GALNTL6: variants seen among roughly 807,000 people sequenced by gnomAD.
GALNTL6 encodes the protein polypeptide N-acetylgalactosaminyltransferase like 6, also known as polypeptide N-acetylgalactosaminyltransferase-like 6.
A neutral mutation model predicts 73.7 loss-of-function variants in GALNTL6; 46 were observed. That is an observed-to-expected ratio of 0.62 (90% CI 0.49 to 0.80). The LOEUF (loss-of-function observed/expected upper bound fraction) is 0.80, where lower values mean the gene tolerates loss of function less well. GALNTL6 is among the 30% of genes least tolerant of loss of function. GALNTL6 has a pLI of 0.00. For synonymous variants in GALNTL6, 259 were observed against 263.7 expected (o/e 0.98, Z 0.17); for missense variants, 604 against 755.0 (o/e 0.80, Z 2.34).
At chr4:171,942,783 G>T (rs751802215) in intron 2 of GALNTL6, among the ~76,000 whole-genome samples, 2 of 152,168 alleles carry the variant, frequency 1.3e-5, no homozygotes, top group African/African-American at 2.4e-5. Context: ...GCTCAATTAC[G>T]AATGGGTCAG....
chr4:173,030,001 C>T (rs1421277543), intron 12 of GALNTL6, among the ~76,000 whole-genome samples: 7 of 152,118 alleles, frequency 4.6e-5, no homozygotes, highest in Admixed American at 2.0e-4. Flanking sequence ...GGAAGTTACT[C>T]AACCAGATAA....
chr4:172,947,582 AT>A (rs10708506), intron 9 of GALNTL6, among the ~76,000 whole-genome samples: 111,635 of 147,202 alleles, frequency 0.76, 42,844 homozygotes, highest in Middle Eastern at 0.87. Flanking sequence ...CCCTTGATAA[AT>A]TTTTTTTTTT....
intron 9 of GALNTL6, among the ~76,000 whole-genome samples, chr4:172,949,773 G>A (rs964245826): frequency 6.6e-6 from 1 of 151,958 alleles, no homozygotes; most frequent in African/African-American, 2.4e-5. Context: ...GCCAGGCATG[G>A]TAGCACGTGC....
chr4:172,949,734 C>T (rs989592106), intron 9 of GALNTL6, among the ~76,000 whole-genome samples: 2 of 151,400 alleles, frequency 1.3e-5, no homozygotes, highest in African/African-American at 4.8e-5. Flanking sequence ...ACAGTGAAAC[C>T]CCATCTCTAC....
chr4:171,888,326 A>G (rs1259042147), intron 2 of GALNTL6, among the ~76,000 whole-genome samples: 4 of 150,768 alleles, frequency 2.7e-5, no homozygotes, highest in Admixed American at 2.0e-4. Flanking sequence ...AAGTTCAGCA[A>G]CAGTGATAGC....
chr4:172,467,843 TTTC>T (rs1396051575), intron 5 of GALNTL6, among the ~76,000 whole-genome samples: 3 of 150,044 alleles, frequency 2.0e-5, no homozygotes, highest in Non-Finnish European at 3.0e-5. Flanking sequence ...TCTTTCTTTC[TTTC>T]TTTCTTTCTT....
At chr4:172,880,941 A>G (rs1745421674) in intron 7 of GALNTL6, among the ~76,000 whole-genome samples, 1 of 152,126 alleles carries the variant, frequency 6.6e-6, no homozygotes, top group Admixed American at 6.5e-5. Flanking sequence ...CTCAATTTAG[A>G]ATTTTTCTTG....
At chr4:172,767,665 T>TC (rs1738512535) in intron 5 of GALNTL6, among the ~76,000 whole-genome samples, 1 of 103,676 alleles carries the variant, frequency 9.6e-6, no homozygotes, top group African/African-American at 3.4e-5. Context: ...CTGATTTTTT[T>TC]TCTTTTTTTT....
At chr4:172,536,355 G>C (rs1735344934) in intron 5 of GALNTL6, among the ~76,000 whole-genome samples, 1 of 152,178 alleles carries the variant, frequency 6.6e-6, no homozygotes. Context: ...GAACAGTTTG[G>C]AGGGCTCAGA....
chr4:172,717,085 AT>A (rs1193068997), intron 5 of GALNTL6, among the ~76,000 whole-genome samples: 3 of 151,712 alleles, frequency 2.0e-5, no homozygotes, highest in African/African-American at 7.3e-5. Context: ...CCAGTTTTAA[AT>A]ATCAATAACC....
At chr4:171,859,204 G>A (rs1381766983) in intron 2 of GALNTL6, among the ~76,000 whole-genome samples, 6 of 151,986 alleles carry the variant, frequency 3.9e-5, no homozygotes, top group African/African-American at 1.5e-4. Context: ...AAAGATGGTA[G>A]CATAAATGAA....
At chr4:172,608,233 A>G (rs1472661365) in intron 5 of GALNTL6, among the ~76,000 whole-genome samples, 1 of 152,006 alleles carries the variant, frequency 6.6e-6, no homozygotes, top group African/African-American at 2.4e-5. Context: ...GGTATTTTCT[A>G]GGTTTTCTTC....
chr4:172,190,250 T>G (rs1735534716), intron 2 of GALNTL6, among the ~76,000 whole-genome samples: 1 of 152,182 alleles, frequency 6.6e-6, no homozygotes, highest in South Asian at 2.1e-4. Context: ...ATCTTATTCT[T>G]TTAGGACCTA....
At chr4:172,574,193 C>T (rs886682504) in intron 5 of GALNTL6, among the ~76,000 whole-genome samples, 1 of 152,220 alleles carries the variant, frequency 6.6e-6, no homozygotes, top group South Asian at 2.1e-4. Flanking sequence ...ATCTGATAAC[C>T]TGTGAAGTGA....
chr4:172,412,346 T>C (rs2111345891), intron 5 of GALNTL6, among the ~76,000 whole-genome samples: 1 of 152,206 alleles, frequency 6.6e-6, no homozygotes, highest in South Asian at 2.1e-4. Context: ...TGGATGGAAA[T>C]ATTTTAGATA....
chr4:172,460,915 C>A (rs993722056), intron 5 of GALNTL6, among the ~76,000 whole-genome samples: 4 of 152,108 alleles, frequency 2.6e-5, no homozygotes, highest in African/African-American at 9.7e-5. Context: ...GATACGTACA[C>A]GTGTATGTTT....
At chr4:172,438,562 C>T (rs1731720801) in intron 5 of GALNTL6, among the ~76,000 whole-genome samples, 1 of 151,990 alleles carries the variant, frequency 6.6e-6, no homozygotes, top group Non-Finnish European at 1.5e-5. Context: ...ATGACCTTCC[C>T]TCAATTAATA....
intron 5 of GALNTL6, among the ~76,000 whole-genome samples, chr4:172,532,943 G>T (rs1735215245): frequency 6.6e-6 from 1 of 151,736 alleles, no homozygotes; most frequent in Non-Finnish European, 1.5e-5. Flanking sequence ...AAACAGTCTT[G>T]AAAGCAAGAG....
At chr4:171,907,560 C>T (rs1441495121) in intron 2 of GALNTL6, among the ~76,000 whole-genome samples, 2 of 151,886 alleles carry the variant, frequency 1.3e-5, no homozygotes, top group Non-Finnish European at 2.9e-5. Flanking sequence ...GTGAAAATGG[C>T]CATACTGTCC....
Sources: gnomAD v4.1 joint callset for allele counts (sites outside exome capture counted in the v4.1 genomes callset) on GRCh38, gnomAD v4.1.1 for gene constraint, MANE v1.5 for transcripts, NCBI Gene and HGNC (gene_info 2026-07-23, HGNC 2026-07-21) for gene names.